ANKRD11: variants seen among roughly 807,000 people sequenced by gnomAD.
The protein encoded by ANKRD11 is ankyrin repeat domain 11, also known as ankyrin repeat domain-containing protein 11.
A neutral mutation model predicts 195.7 loss-of-function variants in ANKRD11; 17 were observed. That is an observed-to-expected ratio of 0.09 (90% CI 0.06 to 0.13). The LOEUF (loss-of-function observed/expected upper bound fraction) is 0.13, where lower values mean the gene tolerates loss of function less well. Ranked by LOEUF, ANKRD11 falls within the 10% of genes least tolerant of loss-of-function variation. ANKRD11 has a pLI of 1.00. For synonymous variants in ANKRD11, 1,953 were observed against 1,528.1 expected, an observed-to-expected ratio of 1.28 and a Z score of -6.49; for missense variants, 3,735 against 3,566.1, an observed-to-expected ratio of 1.05 and a Z score of -1.21.
Position 89,280,373 on chromosome 16 carries a change from C to T in ANKRD11, c.6169G>A (p.Ala2057Thr). ...AISTSEAAPYAPPSGLESFFS... is the reference protein window; with the variant it reads ...AISTSEAAPYTPPSGLESFFS... Reference sequence around the variant, plus strand: ...AAGGACTCCAGCCCGGAGGGAGGGGCGTAGGGAGCCGCCTCTGAGGTGGAG... The same window carrying T: ...AAGGACTCCAGCCCGGAGGGAGGGGTGTAGGGAGCCGCCTCTGAGGTGGAG... The change falls in exon 9 of 13, where the codon GCC becomes ACC. Residue 2057 changes from alanine (A) to threonine (T), a missense_variant. Physicochemically the swap from Ala to Thr is moderately conservative, Grantham distance 58. Transcript: ENST00000301030. The T allele has an allele frequency of 8.3e-6, 13 of 1,562,556 alleles. No individual in the cohort carries two copies. Among genetic ancestry groups the T allele is most frequent in the Non-Finnish European group, 1.1e-5 (13 of 1,155,366 alleles).
chr16:89,458,131 C>T (rs1240473713), intron 1 of ANKRD11, among the ~76,000 whole-genome samples: 1 of 152,026 alleles, frequency 6.6e-6, no homozygotes, highest in Admixed American at 6.5e-5. Context: ...TGAAACGGTG[C>T]TTTAGAGGTT....
intron 1 of ANKRD11, among the ~76,000 whole-genome samples, chr16:89,429,985 C>G (rs1192577712): frequency 8.7e-6 from 1 of 114,722 alleles, no homozygotes. Flanking sequence ...TCAACTCTCA[C>G]GCTCAGTCGT....
chr16:89,330,805 G>A (rs774286032), intron 2 of ANKRD11, among the ~76,000 whole-genome samples: 1 of 152,076 alleles, frequency 6.6e-6, no homozygotes, highest in Non-Finnish European at 1.5e-5. Flanking sequence ...CTCCACTTCT[G>A]AAGGGAGGCA....
chr16:89,318,656 T>C (rs886793206), intron 2 of ANKRD11, among the ~76,000 whole-genome samples: 10 of 152,236 alleles, frequency 6.6e-5, no homozygotes, highest in Non-Finnish European at 1.5e-4. Flanking sequence ...GGACGCAGGC[T>C]TGGCTGAGAC....
At chr16:89,403,594 A>G (rs962157930) in intron 2 of ANKRD11, 2 of 152,164 alleles carry the variant, frequency 1.3e-5, no homozygotes, top group African/African-American at 4.8e-5. Context: ...ACCAGAGACC[A>G]CTTACATAAA....
chr16:89,397,822 G>A lies in ANKRD11; in HGVS notation c.-60+20462C>T, dbSNP rs28468371. On this transcript the variant is annotated intron_variant, in intron 2 of 12. Coordinates refer to ENST00000301030, the MANE Select transcript of ANKRD11 (RefSeq NM_013275.6). ...CAGCAGGCGGTGGCCAGGGACAAGC[G>A]GCCCGTGCCACGTCTCCCAGCTAGC... is the stretch of plus-strand genomic sequence containing the variant. Among the ~76,000 whole-genome samples the A allele has an allele frequency of 9.4e-4, 143 of 152,326 alleles. 1 individual carries two copies. Among genetic ancestry groups the A allele is most frequent in the Admixed American group, 4.2e-3 (65 of 15,304 alleles).
chr16:89,439,131 G>A (rs955619537), intron 1 of ANKRD11, among the ~76,000 whole-genome samples: 1 of 151,754 alleles, frequency 6.6e-6, no homozygotes, highest in African/African-American at 2.4e-5. Context: ...TGTGTGGCAC[G>A]TTGTTCAAAT....
chr16:89,406,737 G>A (rs75393733), intron 2 of ANKRD11, among the ~76,000 whole-genome samples: 459 of 152,304 alleles, frequency 3.0e-3, no homozygotes, highest in African/African-American at 0.01. Context: ...CCTCCTTCAC[G>A]CTGATAAGCG....
chr16:89,311,728 T>C (rs2036617769), intron 3 of ANKRD11, among the ~76,000 whole-genome samples: 1 of 152,202 alleles, frequency 6.6e-6, no homozygotes, highest in Admixed American at 6.5e-5. Flanking sequence ...AATGGACCTC[T>C]ATCTTGGGAG....
At chr16:89,477,211 GAGACAGAGTCT>G (rs1384057327) in intron 1 of ANKRD11, among the ~76,000 whole-genome samples, 1 of 144,888 alleles carries the variant, frequency 6.9e-6, no homozygotes, top group African/African-American at 2.5e-5. Context: ...TTTTTTTTTG[GAGACAGAGTCT>G]CACTCTGGTG....
At chr16:89,407,668 TACACACACACAC>T (rs112958844) in intron 2 of ANKRD11, among the ~76,000 whole-genome samples, 3 of 150,704 alleles carry the variant, frequency 2.0e-5, no homozygotes, top group African/African-American at 7.3e-5. Flanking sequence ...CAAACACACA[TACACACACACAC>T]ACACATAGAC....
intron 2 of ANKRD11, among the ~76,000 whole-genome samples, chr16:89,367,267 C>T (rs981707359): frequency 1.3e-5 from 2 of 152,224 alleles, no homozygotes; most frequent in Admixed American, 6.5e-5. Flanking sequence ...GGTAGAGCGC[C>T]GCTCCAGACT....
chr16:89,285,480 C>CTCG lies in ANKRD11; in HGVS notation c.1059_1061dup (p.Asp353dup). ...CGTCCACCGGAGGAACCCTGTCCTG[C>CTCG]TCGTCGTCCTCATCAAACTCATACT... is the stretch of plus-strand genomic sequence containing the variant. On this transcript the variant is annotated inframe_insertion, in exon 9 of 13. Coordinates refer to ENST00000301030, the MANE Select transcript of ANKRD11 (RefSeq NM_013275.6). The surrounding 1 kb of genome is among the most constrained non-coding windows in gnomAD (Gnocchi z 5.6). 6.2e-7 allele frequency: 1 copy of CTCG among 1,614,246 alleles called. No individual in the cohort carries two copies. Among genetic ancestry groups the CTCG allele is most frequent in the Non-Finnish European group, 8.5e-7 (1 of 1,180,050 alleles).
intron 2 of ANKRD11, among the ~76,000 whole-genome samples, chr16:89,320,947 T>C (rs1394861806): frequency 6.6e-6 from 1 of 152,204 alleles, no homozygotes; most frequent in African/African-American, 2.4e-5. Flanking sequence ...GGAACAACGA[T>C]GGCCTGCTCC....
At chr16:89,305,844 G>A (rs554072515) in intron 3 of ANKRD11, among the ~76,000 whole-genome samples, 5 of 113,540 alleles carry the variant, frequency 4.4e-5, no homozygotes, top group East Asian at 2.4e-4. Context: ...CCGCAGACAC[G>A]CACCACCTCC....
chr16:89,405,284 G>C (rs2041861170), intron 2 of ANKRD11, among the ~76,000 whole-genome samples: 2 of 152,166 alleles, frequency 1.3e-5, no homozygotes, highest in Non-Finnish European at 2.9e-5. Context: ...GGGCATGACT[G>C]TATTCTGTAG....
Position 89,281,187 on chromosome 16 carries a change from T to C in ANKRD11, c.5355A>G (p.Thr1785=), listed in dbSNP as rs766131389. The part of the protein sequence containing the change: ...ASQAPARPLS[T]NLYRSVSVDI... ...CGACAGAGACCGAGCGGTAAAGGTTTGTGGAGAGAGGCCTGGCAGGAGCCT... is the reference window on the plus strand; with the variant it reads ...CGACAGAGACCGAGCGGTAAAGGTTCGTGGAGAGAGGCCTGGCAGGAGCCT... Residue 1785 remains threonine, a synonymous_variant, in exon 9 of 13, where the codon ACA becomes ACG. Coordinates refer to ENST00000301030, the MANE Select transcript of ANKRD11 (RefSeq NM_013275.6). This position sits in a 1 kb window ranked among gnomAD's most constrained non-coding sequence, Gnocchi z 5.5. The C allele has an allele frequency of 8.7e-6, 14 of 1,613,974 alleles. No homozygotes were observed. In the Admixed American group the frequency reaches 2.3e-4, roughly 27 times the overall value.
At chr16:89,389,576 A>G (rs941129636) in intron 2 of ANKRD11, among the ~76,000 whole-genome samples, 1 of 152,196 alleles carries the variant, frequency 6.6e-6, no homozygotes, top group Non-Finnish European at 1.5e-5. Context: ...AGAGATGAAG[A>G]TGACGCTGTG....
At chr16:89,402,010 A>C (rs2041713025) in intron 2 of ANKRD11, among the ~76,000 whole-genome samples, 1 of 144,750 alleles carries the variant, frequency 6.9e-6, no homozygotes, top group Non-Finnish European at 1.5e-5. Flanking sequence ...GCCGTGGGAG[A>C]ACAGATCCTT....
Sources: gnomAD v4.1 joint callset for allele counts (sites outside exome capture counted in the v4.1 genomes callset) on GRCh38, gnomAD v4.1.1 for gene constraint, Gnocchi (gnomAD v3.1) non-coding constraint, MANE v1.5 for transcripts, NCBI Gene and HGNC (gene_info 2026-07-23, HGNC 2026-07-21) for gene names.